AK5: variants seen among roughly 807,000 people sequenced by gnomAD.
AK5 encodes adenylate kinase isoenzyme 5.
Under a neutral mutation model 69.5 loss-of-function variants are expected in AK5, and 27 were observed. The ratio of observed to expected loss-of-function variants is 0.39; its 90% CI spans 0.29 to 0.54. The LOEUF is 0.54. Among genes scored for constraint, AK5 ranks in the 20% least tolerant of loss-of-function variants. AK5 has a pLI of 0.71. For synonymous variants in AK5, 260 were observed against 244.4 expected, an observed-to-expected ratio of 1.06 and a Z score of -0.60; for missense variants, 531 against 700.4, an observed-to-expected ratio of 0.76 and a Z score of 2.73.
At chr1:77,324,203 A>T (rs1432518522) in intron 5 of AK5, among the ~76,000 whole-genome samples, 2 of 152,178 alleles carry the variant, frequency 1.3e-5, no homozygotes, top group East Asian at 3.9e-4. Context: ...AATGGCATGA[A>T]CAATGTTAGG....
chr1:77,429,940 G>T (rs1192325968), intron 8 of AK5, among the ~76,000 whole-genome samples: 1 of 152,188 alleles, frequency 6.6e-6, no homozygotes, highest in Non-Finnish European at 1.5e-5. Flanking sequence ...GATGAGCCTG[G>T]AAAGTAGGGC....
At chr1:77,289,157 G>A (rs1658534673) in intron 2 of AK5, among the ~76,000 whole-genome samples, 1 of 152,176 alleles carries the variant, frequency 6.6e-6, no homozygotes, top group African/African-American at 2.4e-5. Flanking sequence ...ACTGAGAACA[G>A]CCTGGTACAC....
chr1:77,526,510 C>T (rs1208560840), intron 12 of AK5, among the ~76,000 whole-genome samples: 1 of 120,406 alleles, frequency 8.3e-6, no homozygotes. Flanking sequence ...GAGTCTCGCT[C>T]TGTCGCCCAG....
chr1:77,394,784 C>T (rs1001210326), intron 6 of AK5, among the ~76,000 whole-genome samples: 5 of 151,572 alleles, frequency 3.3e-5, no homozygotes, highest in African/African-American at 1.2e-4. Context: ...TAGAGAAAAA[C>T]ATCTTTTCAT....
chr1:77,376,048 T>A lies in AK5; in HGVS notation c.892-34933T>A, dbSNP rs187269845. ...GTGTAGTAGCTAATGCTGATATTTTTAAAATGTTTAACAGTTTCTTATGCA... is the reference window on the plus strand; with the variant it reads ...GTGTAGTAGCTAATGCTGATATTTTAAAAATGTTTAACAGTTTCTTATGCA... On this transcript the variant is annotated intron_variant, in intron 6 of 13. Transcript: ENST00000354567. Among the ~76,000 whole-genome samples the A allele has an allele frequency of 4.6e-5, 7 of 152,320 alleles. No individual in the cohort carries two copies. The East Asian group carries it at 5.8e-4, about 13-fold the overall frequency.
chr1:77,424,157 G>A (rs1651033148), intron 8 of AK5, among the ~76,000 whole-genome samples: 1 of 152,144 alleles, frequency 6.6e-6, no homozygotes, highest in Non-Finnish European at 1.5e-5. Context: ...CATCTGTCAA[G>A]GAAAAATTAC....
At chr1:77,483,470 C>A in intron 9 of AK5, 111 bp downstream of exon 9, 1 of 893,570 alleles carries the variant, frequency 1.1e-6, no homozygotes, top group Non-Finnish European at 1.8e-6. Context: ...TCACTTTTTC[C>A]TTGGCCAGGG....
chr1:77,417,220 A>G (rs1570533929), intron 7 of AK5, among the ~76,000 whole-genome samples: 2 of 152,026 alleles, frequency 1.3e-5, no homozygotes, highest in East Asian at 1.9e-4. Context: ...TGTTCCTTCT[A>G]CTTCCATTAT....
rs1282100254 is a variant in AK5 at position 77,314,167 on chromosome 1, GT to G, written c.699+16221del. The stretch of plus-strand genomic sequence containing the variant: ...TTGAAGAGTCGTTCTAATTTTATAT[GT>G]GAGGAGATGGAGGCTACGTTTTCAA... On this transcript the variant is annotated intron_variant, in intron 5 of 13. Coordinates refer to ENST00000354567, the MANE Select transcript of AK5 (RefSeq NM_174858.3). 35 of 299,244 alleles carry G rather than the reference GT, an allele frequency of 1.2e-4. No individual in the cohort carries two copies. The East Asian group carries it at 3.1e-3, about 27-fold the overall frequency. The allele number at this position is 299,244 out of a possible 1,614,324, so 18.5% of individuals were successfully genotyped here. A position where few individuals can be genotyped will look rare whatever the true frequency, so the allele number is the denominator to read the frequency against.
intron 5 of AK5, among the ~76,000 whole-genome samples, chr1:77,309,635 C>G (rs1054391273): frequency 6.6e-6 from 1 of 152,034 alleles, no homozygotes; most frequent in Non-Finnish European, 1.5e-5. Context: ...ATCATCAGTA[C>G]TTACCTTTTT....
At chr1:77,326,319 A>G (rs1660801449) in intron 5 of AK5, among the ~76,000 whole-genome samples, 1 of 152,200 alleles carries the variant, frequency 6.6e-6, no homozygotes. Flanking sequence ...AATGTGGATA[A>G]GTGTGAAATA....
chr1:77,420,341 T>G (rs552774299), intron 8 of AK5: 1 of 152,202 alleles, frequency 6.6e-6, no homozygotes, highest in Non-Finnish European at 1.5e-5. Context: ...TACAGCTCTT[T>G]TAGAATTTGT....
At chr1:77,382,567 C>T (rs1348094393) in intron 6 of AK5, among the ~76,000 whole-genome samples, 1 of 152,152 alleles carries the variant, frequency 6.6e-6, no homozygotes, top group African/African-American at 2.4e-5. Context: ...CCAAGCTGAT[C>T]TCAAACTCTT....
At chr1:77,421,223 T>C (rs1029856167) in intron 8 of AK5, among the ~76,000 whole-genome samples, 1 of 152,194 alleles carries the variant, frequency 6.6e-6, no homozygotes, top group Non-Finnish European at 1.5e-5. Context: ...GCTTCATATT[T>C]ATTACCTCAT....
At chr1:77,540,620 C>G (rs1022948634) in intron 13 of AK5, 8 of 152,184 alleles carry the variant, frequency 5.3e-5, no homozygotes, top group Admixed American at 1.3e-4. Flanking sequence ...GCCAAAGACT[C>G]CCTGGGGGAT....
At chr1:77,351,412 A>G (rs576942598) in intron 6 of AK5, among the ~76,000 whole-genome samples, 2 of 152,322 alleles carry the variant, frequency 1.3e-5, no homozygotes, top group South Asian at 4.1e-4. Context: ...ATAAATAAAT[A>G]TATGAATAGC....
chr1:77,409,744 A>G (rs767548926), intron 6 of AK5, among the ~76,000 whole-genome samples: 2 of 152,178 alleles, frequency 1.3e-5, no homozygotes, highest in Non-Finnish European at 2.9e-5. Context: ...CTCAAGTTTA[A>G]TTAGATCCCA....
intron 2 of AK5, among the ~76,000 whole-genome samples, chr1:77,289,465 G>A (rs1328265230): frequency 6.6e-6 from 1 of 152,050 alleles, no homozygotes; most frequent in African/African-American, 2.4e-5. Flanking sequence ...GGGTAAATAT[G>A]GGGATCTACT....
intron 11 of AK5, among the ~76,000 whole-genome samples, chr1:77,519,756 T>A (rs184469523): frequency 6.6e-6 from 1 of 152,238 alleles, no homozygotes; most frequent in East Asian, 1.9e-4. Flanking sequence ...ATGGCGCTGA[T>A]GGGAGTGTAG....
Sources: gnomAD v4.1 joint callset for allele counts (sites outside exome capture counted in the v4.1 genomes callset) on GRCh38, gnomAD v4.1.1 for gene constraint, MANE v1.5 for transcripts, NCBI Gene and HGNC (gene_info 2026-07-23, HGNC 2026-07-21) for gene names.